The following VWDE variants were observed in gnomAD, a reference collection of about 807,000 sequenced individuals.
VWDE encodes the protein von Willebrand factor D and EGF domain-containing protein.
VWDE carries 207 observed loss-of-function variants against 178.4 expected under a neutral mutation model. That is an observed-to-expected ratio of 1.16 (90% CI 1.04 to 1.30). The LOEUF is 1.30. Among genes scored for constraint, VWDE ranks in the 50% most tolerant of loss-of-function variants. The pLI is 0.00. For synonymous variants in VWDE, 738 were observed against 651.4 expected (o/e 1.13, Z -2.02); for missense variants, 2,287 against 1,901.3 (o/e 1.20, Z -3.77).
intron 19 of VWDE, among the ~76,000 whole-genome samples, chr7:12,351,143 G>A (rs1041282312): frequency 6.6e-6 from 1 of 152,098 alleles, no homozygotes; most frequent in Admixed American, 6.6e-5. Context: ...AAATGTACAA[G>A]AACTTTATGA....
At chr7:12,379,416 C>G (rs1237748131) in intron 6 of VWDE, 61 bp downstream of exon 6, 1 of 1,116,890 alleles carries the variant, frequency 9.0e-7, no homozygotes, top group Non-Finnish European at 1.2e-6. Flanking sequence ...GGACAGATCA[C>G]AGTTTGGGAA....
At chr7:12,357,212 G>C in intron 17 of VWDE, 53 bp downstream of exon 17, 1 of 1,524,288 alleles carries the variant, frequency 6.6e-7, no homozygotes, top group Non-Finnish European at 8.8e-7. Flanking sequence ...TTCAAATAAA[G>C]TTGTTAAAAT....
At chr7:12,377,276 T>A (rs573120862) in intron 7 of VWDE, among the ~76,000 whole-genome samples, 3 of 152,262 alleles carry the variant, frequency 2.0e-5, no homozygotes, top group African/African-American at 7.2e-5. Flanking sequence ...ATAGAAGAAT[T>A]TTAAGACACA....
intron 9 of VWDE, 30 bp from the exon 10 acceptor site, chr7:12,373,277 A>C: frequency 6.5e-7 from 1 of 1,538,800 alleles, no homozygotes; most frequent in African/African-American, 1.4e-5. Flanking sequence ...ATTGCATTAA[A>C]AAATCGTGTA....
At chr7:12,367,252 T>A in intron 13 of VWDE, 105 bp downstream of exon 13, 1 of 837,122 alleles carries the variant, frequency 1.2e-6, no homozygotes, top group Non-Finnish European at 1.7e-6. Context: ...AGATATAATA[T>A]CGTTTGGATT....
At chr7:12,367,329 T>C (rs1263711890) in intron 13 of VWDE, 28 bp downstream of exon 13, 11 of 1,507,624 alleles carry the variant, frequency 7.3e-6, no homozygotes, top group Non-Finnish European at 8.9e-6. Context: ...ATACACTCTA[T>C]TGTTTCTGAA....
chr7:12,348,820 C>T (rs867348505), intron 19 of VWDE, among the ~76,000 whole-genome samples: 6 of 151,396 alleles, frequency 4.0e-5, no homozygotes, highest in Middle Eastern at 3.4e-3. Context: ...AGACTTGGAA[C>T]CAACCCAAAT....
Position 12,389,281 on chromosome 7 carries a change from G to A in VWDE, c.321C>T (p.Ile107=). The A allele has an allele frequency of 3.2e-6, 5 of 1,551,660 alleles. No homozygotes were observed. The highest frequency in any genetic ancestry group is 4.4e-6 in the Non-Finnish European group (5 of 1,146,976). The change falls in exon 3 of 29, where the codon ATC becomes ATT. Residue 107 remains isoleucine (I), a synonymous_variant. Coordinates refer to ENST00000275358, the MANE Select transcript of VWDE (RefSeq NM_001135924.3). ...DSETLPSPGE[I]KQLTACATWQ... is the part of the protein sequence containing the mutation. ...ATGTTGCACAAGCTGTCAATTGCTT[G>A]ATCTCCCCAGGAGATGGCAGTGTTT...
intron 8 of VWDE, 89 bp from the exon 9 acceptor site, chr7:12,374,851 CAATT>C (rs775614133): frequency 6.2e-4 from 709 of 1,141,032 alleles, no homozygotes; most frequent in Non-Finnish European, 8.4e-4. Context: ...AACAAACTTT[CAATT>C]AATTATTGTT....
chr7:12,386,721 T>C (rs1784116270), intron 3 of VWDE, among the ~76,000 whole-genome samples: 1 of 152,190 alleles, frequency 6.6e-6, no homozygotes, highest in Non-Finnish European at 1.5e-5. Flanking sequence ...CTGGTGACGC[T>C]TCATTATATA....
intron 13 of VWDE, among the ~76,000 whole-genome samples, chr7:12,364,075 T>G (rs150856389): frequency 6.6e-6 from 1 of 152,076 alleles, no homozygotes; most frequent in Non-Finnish European, 1.5e-5. Flanking sequence ...TGAGAGCCAG[T>G]TTTCACTTGT....
In VWDE at chr7:12,342,162, C is replaced by A. The variant is rs962530706; in HGVS notation, c.4175-8G>T. ...AGTGCCTGTTACAAACCACTGAGAT[C>A]ATAGAATAAAGAGAAAAGAAAGATT... On this transcript the variant is annotated splice_region_variant and splice_polypyrimidine_tract_variant and intron_variant, in intron 22 of 28. Coordinates refer to ENST00000275358, the MANE Select transcript of VWDE (RefSeq NM_001135924.3). 19 of 1,549,422 alleles carry A rather than the reference C, an allele frequency of 1.2e-5. No homozygotes were observed. The African/African-American group carries it at 2.3e-4, about 19-fold the overall frequency.
At chr7:12,369,457 T>A in intron 12 of VWDE, 88 bp downstream of exon 12, 1 of 1,408,116 alleles carries the variant, frequency 7.1e-7, no homozygotes, top group Non-Finnish European at 9.4e-7. Context: ...ATAAACACTG[T>A]TAGGATACTG....
At chr7:12,382,398 T>A (rs1783895884) in intron 4 of VWDE, among the ~76,000 whole-genome samples, 1 of 151,750 alleles carries the variant, frequency 6.6e-6, no homozygotes, top group South Asian at 2.1e-4. Flanking sequence ...TCACAGGGCT[T>A]AATTAAACTG....
rs373050355 is a variant in VWDE at position 12,346,965 on chromosome 7, A to G, written c.3887-2496T>C. On this transcript the variant is annotated intron_variant, in intron 19 of 28. Coordinates refer to ENST00000275358, the MANE Select transcript of VWDE (RefSeq NM_001135924.3). ...CTTAACATAGTTGGCAACAAGTGCAATGAAAGATTTTTGAAAAATGTGAGG... is the reference window on the plus strand; with the variant it reads ...CTTAACATAGTTGGCAACAAGTGCAGTGAAAGATTTTTGAAAAATGTGAGG... 1.1e-4 allele frequency among the ~76,000 whole-genome samples: 17 copies of G among 152,298 alleles called. No individual in the cohort carries two copies. The East Asian group carries it at 2.9e-3, about 26-fold the overall frequency.
At chr7:12,381,637 A>G (rs959677720) in intron 4 of VWDE, among the ~76,000 whole-genome samples, 5 of 152,148 alleles carry the variant, frequency 3.3e-5, no homozygotes, top group African/African-American at 1.2e-4. Flanking sequence ...ATTATTTTCA[A>G]ATTTACCTAG....
intron 19 of VWDE, among the ~76,000 whole-genome samples, chr7:12,350,799 T>C (rs1011828284): frequency 5.3e-5 from 8 of 152,136 alleles, no homozygotes; most frequent in African/African-American, 1.9e-4. Flanking sequence ...ATTATGAGGA[T>C]TGAATGAGGT....
chr7:12,372,352 C>A (rs1463127279), intron 10 of VWDE, among the ~76,000 whole-genome samples: 2 of 151,906 alleles, frequency 1.3e-5, no homozygotes, highest in African/African-American at 4.8e-5. Context: ...TGATTTTTCA[C>A]TTCAGTAAAT....
chr7:12,386,397 G>T (rs901345902), intron 3 of VWDE, among the ~76,000 whole-genome samples: 2 of 152,150 alleles, frequency 1.3e-5, no homozygotes, highest in African/African-American at 4.8e-5. Context: ...TACAGAATGT[G>T]AAGGTTTACC....
Sources: gnomAD v4.1 joint callset for allele counts (sites outside exome capture counted in the v4.1 genomes callset) on GRCh38, gnomAD v4.1.1 for gene constraint, MANE v1.5 for transcripts, NCBI Gene and HGNC (gene_info 2026-07-23, HGNC 2026-07-21) for gene names.